AKAP6: variants seen among roughly 807,000 people sequenced by gnomAD.
AKAP6 encodes the protein A-kinase anchor protein 6.
A neutral mutation model predicts 188.5 loss-of-function variants in AKAP6; 58 were observed. The ratio of observed to expected loss-of-function variants is 0.31; its 90% CI spans 0.25 to 0.38. The LOEUF (loss-of-function observed/expected upper bound fraction) is 0.38, where lower values mean the gene tolerates loss of function less well. Ranked by LOEUF, AKAP6 falls within the 10% of genes least tolerant of loss-of-function variation. AKAP6 has a pLI of 1.00. For missense variants in AKAP6, 2,710 were observed against 2,740.0 expected (o/e 0.99, Z 0.24); for synonymous variants, 989 against 998.6 (o/e 0.99, Z 0.18).
At chr14:32,333,028 T>C (rs1347679587) in intron 1 of AKAP6, among the ~76,000 whole-genome samples, 2 of 152,170 alleles carry the variant, frequency 1.3e-5, no homozygotes, top group Non-Finnish European at 2.9e-5. Context: ...CATGTTGATA[T>C]TGATTCCTGT....
chr14:32,542,983 G>A (rs1445893634), intron 3 of AKAP6, among the ~76,000 whole-genome samples: 1 of 152,162 alleles, frequency 6.6e-6, no homozygotes, highest in East Asian at 1.9e-4. Context: ...TGCACACAAT[G>A]CAATGATCAA....
chr14:32,821,968 A>G lies in AKAP6; in HGVS notation c.4155A>G (p.Ala1385=). 1 of 1,614,004 alleles carries G rather than the reference A, an allele frequency of 6.2e-7. No individual in the cohort carries two copies. The highest frequency in any genetic ancestry group is 8.5e-7 in the Non-Finnish European group (1 of 1,179,942). Residue 1385 remains alanine (A), a synonymous_variant, in exon 13 of 14, where the codon GCA becomes GCG. Transcript: ENST00000280979. The part of the protein sequence containing the change: ...TTNSEMCLLN[A]VDGSPSNLET... ...ACTCTGAAATGTGCTTGCTCAATGC[A>G]GTGGATGGGTCCCCAAGTAACCTTG...
chr14:32,330,747 C>T (rs1886508472), intron 1 of AKAP6, among the ~76,000 whole-genome samples: 1 of 92,428 alleles, frequency 1.1e-5, no homozygotes, highest in Non-Finnish European at 2.0e-5. Flanking sequence ...TTTTTTTGCA[C>T]AGAGTTAAGT....
rs972059211 is a variant in AKAP6, at chr14:32,623,810, T to C, written c.2730+23018T>C. On this transcript the variant is annotated intron_variant, in intron 7 of 13. Coordinates refer to ENST00000280979, the MANE Select transcript of AKAP6 (RefSeq NM_004274.5). Reference sequence around the variant, plus strand: ...GTATTCCTTGTCCTAATAATTTTCATATCTTTGTCTCCTAACAAGCACTGA... The same window carrying C: ...GTATTCCTTGTCCTAATAATTTTCACATCTTTGTCTCCTAACAAGCACTGA... 5.3e-5 allele frequency among the ~76,000 whole-genome samples: 8 copies of C among 152,298 alleles called. No homozygotes were observed. The East Asian group carries it at 5.8e-4, about 11-fold the overall frequency.
In AKAP6 at chr14:32,658,301, G is replaced by A. The variant is rs552360347; in HGVS notation, c.2731-20010G>A. On this transcript the variant is annotated intron_variant, in intron 7 of 13. Coordinates refer to ENST00000280979, the MANE Select transcript of AKAP6 (RefSeq NM_004274.5). ...AACTCCTGTTTAAAATGTGAAAGCT[G>A]TTGGCTCTATAATTTCTAAAGAGCA... Among the ~76,000 whole-genome samples, 14 of 152,156 alleles carry A rather than the reference G, an allele frequency of 9.2e-5. No homozygotes were observed. In the South Asian group the frequency reaches 2.9e-3, roughly 32 times the overall value.
intron 11 of AKAP6, among the ~76,000 whole-genome samples, chr14:32,740,872 T>C (rs1380705605): frequency 6.6e-6 from 1 of 152,112 alleles, no homozygotes; most frequent in East Asian, 1.9e-4. Flanking sequence ...ATATACATTT[T>C]AAAATTGTTT....
chr14:32,501,505 A>G (rs548435969), intron 2 of AKAP6, among the ~76,000 whole-genome samples: 6 of 152,264 alleles, frequency 3.9e-5, no homozygotes, highest in African/African-American at 1.2e-4. Context: ...ATTGGCCAGT[A>G]TTTAGTCCAT....
chr14:32,513,018 A>G (rs1157032882), intron 2 of AKAP6, among the ~76,000 whole-genome samples: 1 of 152,194 alleles, frequency 6.6e-6, no homozygotes, highest in Non-Finnish European at 1.5e-5. Context: ...AGGGAGGACT[A>G]AGTTCTCAGA....
chr14:32,687,456 T>C (rs983617249), intron 8 of AKAP6, among the ~76,000 whole-genome samples: 88 of 142,216 alleles, frequency 6.2e-4, no homozygotes, highest in African/African-American at 2.2e-3. Context: ...CTCTTTCTCT[T>C]TTTTTTTTTT....
At chr14:32,649,658 TA>T (rs1190680483) in intron 7 of AKAP6, among the ~76,000 whole-genome samples, 1 of 152,210 alleles carries the variant, frequency 6.6e-6, no homozygotes, top group Non-Finnish European at 1.5e-5. Context: ...TAATAAAATA[TA>T]AGTTTTAGTC....
At chr14:32,538,024 G>A (rs1394756698) in intron 3 of AKAP6, among the ~76,000 whole-genome samples, 1 of 152,084 alleles carries the variant, frequency 6.6e-6, no homozygotes, top group East Asian at 1.9e-4. Context: ...TGTAGAGATT[G>A]CAGAAAATTT....
intron 5 of AKAP6, among the ~76,000 whole-genome samples, chr14:32,593,620 T>C (rs562019063): frequency 6.6e-6 from 1 of 152,242 alleles, no homozygotes; most frequent in African/African-American, 2.4e-5. Flanking sequence ...TTAAAATAAA[T>C]CAAAATTCTC....
At chr14:32,625,135 A>G (rs1383966631) in intron 7 of AKAP6, among the ~76,000 whole-genome samples, 1 of 152,132 alleles carries the variant, frequency 6.6e-6, no homozygotes, top group Non-Finnish European at 1.5e-5. Context: ...AATGTGTATA[A>G]GTAAACTTCC....
chr14:32,386,788 G>A (rs1382344988), intron 1 of AKAP6, among the ~76,000 whole-genome samples: 1 of 152,026 alleles, frequency 6.6e-6, no homozygotes, highest in Non-Finnish European at 1.5e-5. Flanking sequence ...TTGTGTAAGG[G>A]AAGAGATGAG....
intron 7 of AKAP6, among the ~76,000 whole-genome samples, chr14:32,649,675 A>G (rs978251977): frequency 3.3e-5 from 5 of 152,144 alleles, no homozygotes; most frequent in Admixed American, 1.3e-4. Context: ...TAGTCTGTAA[A>G]TTTAGGATGC....
intron 2 of AKAP6, chr14:32,495,140 CAGTT>C (rs1880241255): frequency 6.6e-6 from 1 of 152,138 alleles, no homozygotes; most frequent in Non-Finnish European, 1.5e-5. Context: ...AGTGTCTAGG[CAGTT>C]AGACCTTAAG....
intron 7 of AKAP6, among the ~76,000 whole-genome samples, chr14:32,602,461 C>A (rs1169569084): frequency 6.6e-6 from 1 of 152,102 alleles, no homozygotes; most frequent in African/African-American, 2.4e-5. Context: ...CACCACTGCA[C>A]TCCAACCTGG....
chr14:32,690,953 T>C (rs1476852790), intron 8 of AKAP6, among the ~76,000 whole-genome samples: 1 of 152,220 alleles, frequency 6.6e-6, no homozygotes, highest in East Asian at 1.9e-4. Context: ...ATGAGTTTGC[T>C]TTATAACACT....
Position 32,433,824 on chromosome 14 carries a change from C to T in AKAP6, c.324+7C>T, listed in dbSNP as rs367646769. 1.4e-5 allele frequency: 22 copies of T among 1,609,666 alleles called. No individual in the cohort carries two copies. The African/African-American group carries it at 2.5e-4, about 19-fold the overall frequency. On this transcript the variant is annotated splice_region_variant and intron_variant, in intron 2 of 13. Transcript: ENST00000280979. The stretch of plus-strand genomic sequence containing the variant: ...ACATCTAGTTCAACTAAAGGTAAGG[C>T]AAGGTCTGTGATCCTCTCAGGATAG...
Sources: gnomAD v4.1 joint callset for allele counts (sites outside exome capture counted in the v4.1 genomes callset) on GRCh38, gnomAD v4.1.1 for gene constraint, MANE v1.5 for transcripts, NCBI Gene and HGNC (gene_info 2026-07-23, HGNC 2026-07-21) for gene names.